The following NRAP variants were observed in gnomAD, a reference collection of about 807,000 sequenced individuals.
NRAP encodes the protein nebulin-related-anchoring protein.
NRAP carries 189 observed loss-of-function variants against 225.9 expected under a neutral mutation model. The ratio of observed to expected loss-of-function variants is 0.84; its 90% CI spans 0.74 to 0.94. NRAP has a LOEUF of 0.94. Among genes scored for constraint, NRAP ranks in the 40% least tolerant of loss-of-function variants. NRAP has a pLI of 0.00. For synonymous variants in NRAP, 769 were observed against 790.7 expected, an observed-to-expected ratio of 0.97 and a Z score of 0.46; for missense variants, 2,176 against 2,168.7, an observed-to-expected ratio of 1.00 and a Z score of -0.07.
In NRAP at chr10:113,639,350, T is replaced by C. The variant is rs539125234; in HGVS notation, c.1428+877A>G. Among the ~76,000 whole-genome samples the C allele has an allele frequency of 9.8e-5, 15 of 152,312 alleles. No individual in the cohort carries two copies. In the South Asian group the frequency reaches 2.7e-3, roughly 27 times the overall value. ...ACACTGGAGATAACCAACTGAATCCTACTGCCCCAACTCTGAGCAAGAGAG... is the reference window on the plus strand; with the variant it reads ...ACACTGGAGATAACCAACTGAATCCCACTGCCCCAACTCTGAGCAAGAGAG... On this transcript the variant is annotated intron_variant, in intron 14 of 41. Coordinates refer to ENST00000359988, the MANE Select transcript of NRAP (RefSeq NM_198060.4).
Position 113,651,926 on chromosome 10 carries a change from A to G in NRAP, c.571-19T>C. The G allele has an allele frequency of 6.5e-7, 1 of 1,534,400 alleles. No homozygotes were observed. On this transcript the variant is annotated intron_variant, in intron 6 of 41. Transcript: ENST00000359988. ...ACTCCACCTGATGAGAAGACAGTAGAGTCAAGGGTGCACCCACCTCACAGC... is the reference window on the plus strand; with the variant it reads ...ACTCCACCTGATGAGAAGACAGTAGGGTCAAGGGTGCACCCACCTCACAGC...
chr10:113,632,003 C>T, intron 16 of NRAP, 39 bp from the exon 17 acceptor site: 1 of 1,248,594 alleles, frequency 8.0e-7, no homozygotes, highest in Non-Finnish European at 1.2e-6. Context: ...AGTTGCTACC[C>T]ATATTCCTGC....
chr10:113,663,459 T>C lies in NRAP; in HGVS notation c.73-13A>G, dbSNP rs976801494. 11 of 1,523,434 alleles carry C rather than the reference T, an allele frequency of 7.2e-6. No homozygotes were observed. The highest frequency in any genetic ancestry group is 1.1e-5 in the South Asian group (1 of 89,096). The allele number at this position is 1,523,434 out of a possible 1,614,324, so 94.4% of individuals were successfully genotyped here. On this transcript the variant is annotated splice_polypyrimidine_tract_variant and intron_variant, in intron 1 of 41. Coordinates refer to ENST00000359988, the MANE Select transcript of NRAP (RefSeq NM_198060.4). ...CTTTATGCCATATCTAGAAATCATA[T>C]AGAGAAGATTTAGCAATTACCCTTT...
intron 23 of NRAP, among the ~76,000 whole-genome samples, chr10:113,623,120 C>G (rs1330275374): frequency 1.3e-5 from 2 of 152,190 alleles, no homozygotes; most frequent in Admixed American, 6.5e-5. Flanking sequence ...TTTAAACAAT[C>G]TGCCTGAAGT....
intron 16 of NRAP, among the ~76,000 whole-genome samples, chr10:113,632,320 A>G (rs1848623447): frequency 6.6e-6 from 1 of 152,240 alleles, no homozygotes; most frequent in Admixed American, 6.5e-5. Flanking sequence ...ATTGGATAGA[A>G]TATATGTAAA....
chr10:113,641,437 T>G lies in NRAP; in HGVS notation c.1251A>C (p.Arg417Ser). 1 of 1,613,742 alleles carries G rather than the reference T, an allele frequency of 6.2e-7. No individual in the cohort carries two copies. Among genetic ancestry groups the G allele is most frequent in the African/African-American group, 1.3e-5 (1 of 75,024 alleles). Residue 417 changes from arginine (R) to serine (S), a missense_variant, in exon 13 of 42, where the codon AGA becomes AGC. Arg to Ser is a moderately radical substitution (Grantham distance 110). Transcript: ENST00000359988. The stretch of plus-strand genomic sequence containing the variant: ...CCATACCAACTCCTTCATAGCGGCC[T>G]CTCATGTGGTTCTGGTAGTTTTCTT... ...KYKENYQNHM[R>S]GRYEGVGMDR...
intron 6 of NRAP, 59 bp downstream of exon 6, chr10:113,652,876 G>A: frequency 1.8e-6 from 2 of 1,123,312 alleles, no homozygotes; most frequent in South Asian, 1.3e-5. Context: ...TAAATCACGG[G>A]GGCTCATTAA....
intron 39 of NRAP, 87 bp from the exon 40 acceptor site, chr10:113,590,976 C>G (rs774722408): frequency 5.1e-6 from 6 of 1,184,434 alleles, no homozygotes; most frequent in Non-Finnish European, 6.1e-6. Flanking sequence ...AGGGCATTCT[C>G]AGCAGGAGGC....
intron 38 of NRAP, among the ~76,000 whole-genome samples, chr10:113,594,861 C>G (rs1025799238): frequency 3.3e-5 from 5 of 152,214 alleles, no homozygotes; most frequent in Non-Finnish European, 5.9e-5. Context: ...AATGGCCAGG[C>G]CAGGGAGGGA....
intron 33 of NRAP, 109 bp from the exon 34 acceptor site, chr10:113,605,978 T>C (rs1846937042): frequency 7.7e-6 from 7 of 909,628 alleles, no homozygotes; most frequent in Non-Finnish European, 1.3e-5. Context: ...TTCTGTTTTG[T>C]GCAGCAAATC....
rs538992172 is a variant in NRAP, at chr10:113,602,911, C to A, written c.4227+1698G>T. 2.6e-5 allele frequency among the ~76,000 whole-genome samples: 4 copies of A among 152,292 alleles called. No individual in the cohort carries two copies. In the South Asian group the frequency reaches 6.2e-4, roughly 24 times the overall value. ...CAAGATTTAGGGGCATTTGTTGTCA[C>A]ACTGGGTGGTGGGGTGCTATGGACA... On this transcript the variant is annotated intron_variant, in intron 35 of 41. Transcript: ENST00000359988.
chr10:113,646,655 C>T (rs1382655297), intron 10 of NRAP, among the ~76,000 whole-genome samples: 2 of 152,176 alleles, frequency 1.3e-5, no homozygotes, highest in East Asian at 3.9e-4. Flanking sequence ...TTTGGCAAAA[C>T]TCTCCTAACA....
chr10:113,662,811 C>T (rs750188650), intron 2 of NRAP, 45 bp from the exon 3 acceptor site: 2 of 924,200 alleles, frequency 2.2e-6, no homozygotes, highest in Non-Finnish European at 3.5e-6. Flanking sequence ...GTACTTTATC[C>T]AAATGATTGA....
intron 20 of NRAP, among the ~76,000 whole-genome samples, chr10:113,628,410 G>A (rs1165792448): frequency 6.6e-6 from 1 of 152,014 alleles, no homozygotes; most frequent in Non-Finnish European, 1.5e-5. Flanking sequence ...GGATGGTCTC[G>A]ATCTCCTGAC....
At chr10:113,626,381 C>T (rs1339497656) in intron 20 of NRAP, among the ~76,000 whole-genome samples, 1 of 152,172 alleles carries the variant, frequency 6.6e-6, no homozygotes, top group Non-Finnish European at 1.5e-5. Flanking sequence ...TCCTCAGTAA[C>T]CCTGTATTTC....
At chr10:113,644,606 A>G (rs1378760398) in intron 11 of NRAP, among the ~76,000 whole-genome samples, 1 of 152,188 alleles carries the variant, frequency 6.6e-6, no homozygotes, top group African/African-American at 2.4e-5. Context: ...ATCATCTGGA[A>G]CAGTTGTTTA....
intron 2 of NRAP, 64 bp downstream of exon 2, chr10:113,663,288 G>T: frequency 1.0e-6 from 1 of 953,996 alleles, no homozygotes; most frequent in Non-Finnish European, 1.7e-6. Context: ...TGAACGTTTA[G>T]TTGGCTCCTT....
chr10:113,661,376 A>G (rs183076938), intron 3 of NRAP, among the ~76,000 whole-genome samples: 64 of 152,274 alleles, frequency 4.2e-4, no homozygotes, highest in African/African-American at 1.2e-3. Flanking sequence ...TCTTGGCAGC[A>G]TGTGTAGAGA....
rs1849838490 is a variant in NRAP, at chr10:113,649,945, C to T, written c.888+92G>A. ...AAAAAAGGTAAAGATAAACCAAAGC[C>T]CCACCCCTGATTAAATTGTCATAGC... On this transcript the variant is annotated intron_variant, in intron 9 of 41. Transcript: ENST00000359988. 3 of 750,570 alleles carry T rather than the reference C, an allele frequency of 4.0e-6. No homozygotes were observed. In the Admixed American group the frequency reaches 6.1e-5, roughly 15 times the overall value. The allele number at this position is 750,570 out of a possible 1,614,324, so 46.5% of individuals were successfully genotyped here.
Sources: allele counts gnomAD v4.1 joint callset (sites outside exome capture counted in the v4.1 genomes callset), GRCh38; gene constraint gnomAD v4.1.1; transcripts MANE v1.5; gene names NCBI Gene and HGNC (gene_info 2026-07-23, HGNC 2026-07-21).